MACROD2: variants seen among roughly 807,000 people sequenced by gnomAD.
The protein encoded by MACROD2 is ADP-ribose glycohydrolase MACROD2.
In MACROD2, 36 loss-of-function variants were observed where a neutral mutation model predicts 70.4. That is an observed-to-expected ratio of 0.51 (90% confidence interval 0.39 to 0.68). The LOEUF (loss-of-function observed/expected upper bound fraction) is 0.68. Among genes scored for constraint, MACROD2 ranks in the 30% least tolerant of loss-of-function variants. The probability of loss-of-function intolerance (pLI) is 0.00; values close to 1 mark genes in which losing one functional copy is unlikely to be tolerated. For synonymous variants in MACROD2, 172 were observed against 178.8 expected (o/e 0.96, Z 0.30); for missense variants, 496 against 538.4 (o/e 0.92, Z 0.78).
chr20:15,473,213 A>G (rs2046982315), intron 7 of MACROD2, among the ~76,000 whole-genome samples: 2 of 152,226 alleles, frequency 1.3e-5, no homozygotes, highest in Admixed American at 6.5e-5. Context: ...ATTAGAAACA[A>G]TATATGGCAT....
intron 3 of MACROD2, among the ~76,000 whole-genome samples, chr20:14,133,044 T>C (rs1030987324): frequency 2.0e-5 from 3 of 152,146 alleles, no homozygotes; most frequent in East Asian, 3.9e-4. Context: ...CATGATCACA[T>C]GATTATGGAG....
chr20:15,600,927 T>A (rs949085139), intron 8 of MACROD2, among the ~76,000 whole-genome samples: 11 of 152,206 alleles, frequency 7.2e-5, no homozygotes, highest in African/African-American at 1.2e-4. Context: ...TTCTTACAAC[T>A]GAATATCCTT....
intron 5 of MACROD2, among the ~76,000 whole-genome samples, chr20:14,686,291 G>T (rs541342384): frequency 4.5e-4 from 68 of 152,250 alleles, no homozygotes; most frequent in South Asian, 3.7e-3. Context: ...TGGGGCCCAA[G>T]TCTAAGCACA....
intron 5 of MACROD2, among the ~76,000 whole-genome samples, chr20:15,024,946 G>A (rs2075218803): frequency 6.6e-6 from 1 of 152,120 alleles, no homozygotes; most frequent in Non-Finnish European, 1.5e-5. Flanking sequence ...CCCCCCACGA[G>A]GATGGGATAC....
At chr20:15,842,681 G>A (rs1392475507) in intron 8 of MACROD2, among the ~76,000 whole-genome samples, 4 of 150,938 alleles carry the variant, frequency 2.7e-5, no homozygotes, top group Middle Eastern at 3.4e-3. Context: ...ATGGATGTAC[G>A]GATAGATGGT....
At chr20:14,978,256 A>G (rs1203373576) in intron 5 of MACROD2, among the ~76,000 whole-genome samples, 4 of 152,186 alleles carry the variant, frequency 2.6e-5, no homozygotes, top group Non-Finnish European at 5.9e-5. Flanking sequence ...AGATTAAACC[A>G]TGTATATGTA....
rs549035665 is a variant in MACROD2 at position 14,307,626 on chromosome 20, T to G, written c.272-185853T>G. Among the ~76,000 whole-genome samples, 7 of 152,240 alleles carry G rather than the reference T, an allele frequency of 4.6e-5. No homozygotes were observed. In the South Asian group the frequency reaches 6.2e-4, roughly 14 times the overall value. ...GAGAAGAAAACTAAGATTTTCCAAC[T>G]TTCAGAAGACACTCCATTTAGTAAG... On this transcript the variant is annotated intron_variant, in intron 3 of 17. Transcript: ENST00000684519.
intron 5 of MACROD2, among the ~76,000 whole-genome samples, chr20:14,978,977 G>A (rs1453268529): frequency 1.4e-5 from 2 of 145,508 alleles, no homozygotes; most frequent in South Asian, 2.1e-4. Flanking sequence ...AAGAGACAGG[G>A]CCTTTGCTCT....
chr20:14,802,777 TACACACACACAC>T (rs11468914), intron 5 of MACROD2, among the ~76,000 whole-genome samples: 2 of 148,326 alleles, frequency 1.3e-5, no homozygotes, highest in Non-Finnish European at 3.0e-5. Context: ...CATACACACA[TACACACACACAC>T]ACACACACAC....
intron 6 of MACROD2, among the ~76,000 whole-genome samples, chr20:15,330,245 G>A (rs1225048617): frequency 6.6e-6 from 1 of 151,706 alleles, no homozygotes; most frequent in African/African-American, 2.4e-5. Flanking sequence ...CCGAGCAATG[G>A]GCCAGGAAAA....
chr20:14,227,646 C>T (rs887052066), intron 3 of MACROD2, among the ~76,000 whole-genome samples: 1 of 152,248 alleles, frequency 6.6e-6, no homozygotes, highest in African/African-American at 2.4e-5. Context: ...CCGCGAGGGT[C>T]CGCGGCTTCA....
intron 3 of MACROD2, among the ~76,000 whole-genome samples, chr20:14,331,973 T>A (rs189564466): frequency 1.3e-5 from 2 of 152,106 alleles, no homozygotes; most frequent in Non-Finnish European, 2.9e-5. Flanking sequence ...AATGAATCGA[T>A]CTTTTAGAAA....
intron 4 of MACROD2, among the ~76,000 whole-genome samples, chr20:14,683,720 A>C (rs78184681): frequency 6.6e-6 from 1 of 152,148 alleles, no homozygotes; most frequent in African/African-American, 2.4e-5. Context: ...AATAATAATA[A>C]TGATAATGAT....
At chr20:14,322,200 A>ATATATATATATATATATATATATT (rs1318380598) in intron 3 of MACROD2, among the ~76,000 whole-genome samples, 2 of 133,186 alleles carry the variant, frequency 1.5e-5, no homozygotes, top group African/African-American at 2.7e-5. Flanking sequence ...ATATATATAT[A>ATATATATATATATATATATATATT]TTTTGTATTT....
intron 4 of MACROD2, among the ~76,000 whole-genome samples, chr20:14,526,824 T>C (rs915841115): frequency 6.6e-6 from 1 of 152,004 alleles, no homozygotes; most frequent in African/African-American, 2.4e-5. Context: ...AGGGCCCCAG[T>C]GGGCTGAAGC....
chr20:15,558,608 T>G (rs2048200060), intron 8 of MACROD2, among the ~76,000 whole-genome samples: 1 of 152,160 alleles, frequency 6.6e-6, no homozygotes, highest in Non-Finnish European at 1.5e-5. Flanking sequence ...GAAACCAGTG[T>G]GTTATTATTT....
At chr20:14,229,594 C>G (rs940382665) in intron 3 of MACROD2, among the ~76,000 whole-genome samples, 2 of 152,226 alleles carry the variant, frequency 1.3e-5, no homozygotes, top group Admixed American at 6.5e-5. Flanking sequence ...CAGTAACTCT[C>G]ATTCATTGCT....
At chr20:15,705,459 G>A (rs939373476) in intron 8 of MACROD2, among the ~76,000 whole-genome samples, 2 of 151,824 alleles carry the variant, frequency 1.3e-5, no homozygotes, top group Non-Finnish European at 2.9e-5. Context: ...TCACTCTGTC[G>A]CCCAGGCTGG....
chr20:15,047,434 G>A (rs547614407), intron 5 of MACROD2, among the ~76,000 whole-genome samples: 1 of 152,172 alleles, frequency 6.6e-6, no homozygotes, highest in South Asian at 2.1e-4. Flanking sequence ...AAAAATACAG[G>A]ACACTTATGG....
Sources: gnomAD v4.1 joint callset for allele counts (sites outside exome capture counted in the v4.1 genomes callset) on GRCh38, gnomAD v4.1.1 for gene constraint, MANE v1.5 for transcripts, NCBI Gene and HGNC (gene_info 2026-07-23, HGNC 2026-07-21) for gene names.